The following FILIP1 variants were observed in gnomAD, a reference collection of about 807,000 sequenced individuals.
FILIP1 encodes filamin-A-interacting protein 1.
FILIP1 carries 61 observed loss-of-function variants against 102.1 expected under a neutral mutation model. The observed-to-expected ratio is 0.60, with a 90% CI of 0.49 to 0.74. The LOEUF is 0.74. Among genes scored for constraint, FILIP1 ranks in the 30% least tolerant of loss-of-function variants. The pLI, the probability that FILIP1 is intolerant of heterozygous loss-of-function variation, is 0.00. For missense variants in FILIP1, 1,314 were observed against 1,441.2 expected, an observed-to-expected ratio of 0.91 and a Z score of 1.43; for synonymous variants, 491 against 526.9, an observed-to-expected ratio of 0.93 and a Z score of 0.93.
At chr6:75,452,666 T>C (rs966348874) in intron 1 of FILIP1, among the ~76,000 whole-genome samples, 1 of 152,222 alleles carries the variant, frequency 6.6e-6, no homozygotes, top group African/African-American at 2.4e-5. Flanking sequence ...AAGAATTAGA[T>C]ATAAAACTAT....
intron 1 of FILIP1, among the ~76,000 whole-genome samples, chr6:75,431,601 T>C (rs1182194034): frequency 1.3e-5 from 2 of 152,202 alleles, no homozygotes; most frequent in Non-Finnish European, 2.9e-5. Context: ...CTAATGACAC[T>C]TGTGGCCAAG....
At chr6:75,462,863 T>C (rs1271083385) in intron 1 of FILIP1, among the ~76,000 whole-genome samples, 3 of 152,148 alleles carry the variant, frequency 2.0e-5, no homozygotes, top group African/African-American at 7.2e-5. Flanking sequence ...ACTTCTCCAC[T>C]ACCTCCCTCA....
At chr6:75,487,736 G>A (rs1779834922) in intron 1 of FILIP1, among the ~76,000 whole-genome samples, 1 of 151,938 alleles carries the variant, frequency 6.6e-6, no homozygotes, top group Non-Finnish European at 1.5e-5. Context: ...ACTCTGATGT[G>A]TCCGTTTCAT....
intron 4 of FILIP1, among the ~76,000 whole-genome samples, chr6:75,315,563 C>T (rs932136096): frequency 6.6e-6 from 1 of 152,192 alleles, no homozygotes; most frequent in African/African-American, 2.4e-5. Context: ...TTAAGTAAAA[C>T]TTAGGTTGTG....
intron 2 of FILIP1, among the ~76,000 whole-genome samples, chr6:75,407,661 C>A (rs1000857683): frequency 6.6e-6 from 1 of 152,126 alleles, no homozygotes; most frequent in Admixed American, 6.5e-5. Flanking sequence ...AAAATACCAA[C>A]GCCAAATGGA....
intron 2 of FILIP1, among the ~76,000 whole-genome samples, chr6:75,363,910 G>A (rs970794207): frequency 6.6e-6 from 1 of 152,184 alleles, no homozygotes; most frequent in Admixed American, 6.5e-5. Context: ...CTATATTGAT[G>A]CTAACTGTGG....
intron 1 of FILIP1, among the ~76,000 whole-genome samples, chr6:75,428,756 G>A (rs1003268622): frequency 1.5e-4 from 23 of 152,148 alleles, no homozygotes; most frequent in African/African-American, 5.6e-4. Context: ...TGAGAGTTTA[G>A]ACTTGTGGAT....
chr6:75,488,398 C>T (rs1185880765), intron 1 of FILIP1, among the ~76,000 whole-genome samples: 1 of 151,974 alleles, frequency 6.6e-6, no homozygotes, highest in Admixed American at 6.6e-5. Context: ...CTGCCTGTAG[C>T]CTTTTCCCTT....
intron 2 of FILIP1, among the ~76,000 whole-genome samples, chr6:75,377,837 G>C (rs1775794407): frequency 6.6e-6 from 1 of 152,170 alleles, no homozygotes; most frequent in Non-Finnish European, 1.5e-5. Flanking sequence ...AAGAGATATT[G>C]ACTTATTAGT....
intron 4 of FILIP1, among the ~76,000 whole-genome samples, chr6:75,321,508 T>C (rs1395343250): frequency 1.6e-5 from 2 of 123,302 alleles, no homozygotes; most frequent in Non-Finnish European, 3.7e-5. Flanking sequence ...GAAATGAATG[T>C]GATCGGCCGG....
At chr6:75,382,794 T>C (rs1426452621) in intron 2 of FILIP1, among the ~76,000 whole-genome samples, 1 of 152,186 alleles carries the variant, frequency 6.6e-6, no homozygotes, top group Non-Finnish European at 1.5e-5. Flanking sequence ...TCACAATTAC[T>C]GAATAGACTT....
chr6:75,430,091 C>T (rs1777776497), intron 1 of FILIP1, among the ~76,000 whole-genome samples: 1 of 152,102 alleles, frequency 6.6e-6, no homozygotes, highest in Admixed American at 6.6e-5. Flanking sequence ...GCATTTTCCC[C>T]CATGCTGTTC....
intron 1 of FILIP1, among the ~76,000 whole-genome samples, chr6:75,481,834 C>T (rs1779656830): frequency 1.3e-5 from 2 of 152,196 alleles, no homozygotes; most frequent in African/African-American, 4.8e-5. Flanking sequence ...TCTAAATTCT[C>T]ACACAATAAT....
At chr6:75,383,215 T>C (rs927155870) in intron 2 of FILIP1, among the ~76,000 whole-genome samples, 25 of 152,104 alleles carry the variant, frequency 1.6e-4, no homozygotes, top group African/African-American at 5.3e-4. Context: ...ACTAGGTGAG[T>C]AACAAGGTAA....
intron 4 of FILIP1, among the ~76,000 whole-genome samples, chr6:75,342,187 A>G (rs905791312): frequency 3.9e-5 from 6 of 152,266 alleles, no homozygotes; most frequent in African/African-American, 1.4e-4. Flanking sequence ...TCTAGGTTAC[A>G]GATTTTATGA....
chr6:75,380,822 T>C (rs1297513308), intron 2 of FILIP1, among the ~76,000 whole-genome samples: 1 of 152,178 alleles, frequency 6.6e-6, no homozygotes, highest in Non-Finnish European at 1.5e-5. Context: ...GCATATATAC[T>C]GTGCTTGCAA....
chr6:75,424,693 T>C (rs1489033109), intron 1 of FILIP1, among the ~76,000 whole-genome samples: 3 of 152,166 alleles, frequency 2.0e-5, no homozygotes, highest in Non-Finnish European at 4.4e-5. Context: ...CCCAACTTTA[T>C]TGCATTTTCC....
chr6:75,448,967 A>T (rs1778528194), intron 1 of FILIP1, among the ~76,000 whole-genome samples: 2 of 152,202 alleles, frequency 1.3e-5, no homozygotes, highest in African/African-American at 4.8e-5. Flanking sequence ...CAGTAATTCC[A>T]CTACTGGGTA....
intron 6 of FILIP1, among the ~76,000 whole-genome samples, chr6:75,302,429 A>G (rs1196660221): frequency 1.3e-5 from 2 of 152,190 alleles, no homozygotes; most frequent in African/African-American, 4.8e-5. Context: ...TTGTTTATCT[A>G]TAGTGAGTGC....
Sources: gnomAD v4.1 joint callset for allele counts (sites outside exome capture counted in the v4.1 genomes callset) on GRCh38, gnomAD v4.1.1 for gene constraint, MANE v1.5 for transcripts, NCBI Gene and HGNC (gene_info 2026-07-23, HGNC 2026-07-21) for gene names.